DGKB: variants seen among roughly 807,000 people sequenced by gnomAD.
DGKB encodes the protein 90 kDa diacylglycerol kinase.
A neutral mutation model predicts 114.3 loss-of-function variants in DGKB; 67 were observed. That is an observed-to-expected ratio of 0.59 (90% CI 0.48 to 0.72). The LOEUF (loss-of-function observed/expected upper bound fraction) is 0.72. Among genes scored for constraint, DGKB ranks in the 30% least tolerant of loss-of-function variants. The pLI is 0.00. For missense variants in DGKB, 907 were observed against 975.2 expected (o/e 0.93, Z 0.93); for synonymous variants, 398 against 323.1 (o/e 1.23, Z -2.49).
At chr7:14,408,165 TG>T (rs1404610010) in intron 21 of DGKB, among the ~76,000 whole-genome samples, 12 of 152,150 alleles carry the variant, frequency 7.9e-5, no homozygotes, top group African/African-American at 2.2e-4. Context: ...CACGGTTTAA[TG>T]ATCAATTACT....
chr7:14,768,856 T>A (rs1318934692), intron 2 of DGKB, among the ~76,000 whole-genome samples: 1 of 151,996 alleles, frequency 6.6e-6, no homozygotes, highest in Non-Finnish European at 1.5e-5. Context: ...TTGTACAAAA[T>A]GGCACCTTTC....
chr7:14,729,091 C>A (rs186566781), intron 5 of DGKB, among the ~76,000 whole-genome samples: 47 of 150,698 alleles, frequency 3.1e-4, no homozygotes, highest in African/African-American at 1.0e-3. Flanking sequence ...CTGCCTCTCC[C>A]CACTAGAATG....
At chr7:14,740,600 CAGA>C (rs1832439941) in intron 4 of DGKB, among the ~76,000 whole-genome samples, 1 of 152,112 alleles carries the variant, frequency 6.6e-6, no homozygotes, top group Non-Finnish European at 1.5e-5. Context: ...GATCCAGAGG[CAGA>C]CAACAATGGA....
chr7:14,192,499 A>T (rs959421129), intron 23 of DGKB, among the ~76,000 whole-genome samples: 2 of 152,172 alleles, frequency 1.3e-5, no homozygotes, highest in Non-Finnish European at 2.9e-5. Context: ...ATATTCATGA[A>T]TTGGAAGAAT....
At chr7:14,750,929 A>C (rs1002431929) in intron 4 of DGKB, among the ~76,000 whole-genome samples, 4 of 147,712 alleles carry the variant, frequency 2.7e-5, no homozygotes, top group African/African-American at 5.1e-5. Context: ...TCAGCCTCCC[A>C]AGTATCTGAG....
intron 21 of DGKB, among the ~76,000 whole-genome samples, chr7:14,348,032 A>G (rs1812770362): frequency 6.6e-6 from 1 of 151,980 alleles, no homozygotes; most frequent in Non-Finnish European, 1.5e-5. Context: ...CCCCAATGAA[A>G]ATATCTTGCA....
chr7:14,268,776 A>G (rs188874361), intron 23 of DGKB: 12 of 152,342 alleles, frequency 7.9e-5, no homozygotes, highest in Admixed American at 6.5e-4. Context: ...CATTTTATGT[A>G]TCACTTCTGA....
chr7:14,160,444 A>T (rs1289303935), intron 25 of DGKB, among the ~76,000 whole-genome samples: 3 of 152,226 alleles, frequency 2.0e-5, no homozygotes, highest in African/African-American at 7.2e-5. Flanking sequence ...ATACAAAATC[A>T]ATGTGCAAGA....
chr7:14,710,949 T>C (rs1827259359), intron 6 of DGKB, among the ~76,000 whole-genome samples: 1 of 151,992 alleles, frequency 6.6e-6, no homozygotes, highest in African/African-American at 2.4e-5. Flanking sequence ...GAAAAATATA[T>C]GAATGGCTTG....
intron 21 of DGKB, among the ~76,000 whole-genome samples, chr7:14,398,178 G>A (rs1822536485): frequency 6.6e-6 from 1 of 152,024 alleles, no homozygotes; most frequent in Admixed American, 6.6e-5. Flanking sequence ...GGTAATGACT[G>A]GGTGAAGAGA....
intron 12 of DGKB, among the ~76,000 whole-genome samples, chr7:14,680,911 C>T (rs1266723104): frequency 6.6e-6 from 1 of 151,496 alleles, no homozygotes; most frequent in Admixed American, 6.6e-5. Context: ...AATAATAAAC[C>T]TAAGACAATA....
chr7:14,191,721 A>C (rs1031373860), intron 23 of DGKB: 1 of 342,612 alleles, frequency 2.9e-6, no homozygotes, highest in African/African-American at 2.2e-5. Flanking sequence ...CACGTCAAAG[A>C]TGTTCACTGT....
chr7:14,351,727 T>C (rs1402442642), intron 21 of DGKB, among the ~76,000 whole-genome samples: 1 of 152,214 alleles, frequency 6.6e-6, no homozygotes, highest in Non-Finnish European at 1.5e-5. Context: ...TTTAAGTGTA[T>C]AAAAAGTTAG....
At chr7:14,417,964 T>G (rs1324026629) in intron 21 of DGKB, among the ~76,000 whole-genome samples, 1 of 151,182 alleles carries the variant, frequency 6.6e-6, no homozygotes, top group Admixed American at 6.6e-5. Flanking sequence ...AATGTCAGAG[T>G]TATAAACATA....
intron 1 of DGKB, among the ~76,000 whole-genome samples, chr7:14,963,633 A>G (rs59827390): frequency 0.015 from 2,295 of 152,278 alleles, 48 homozygotes; most frequent in African/African-American, 0.046. Flanking sequence ...TTCACTTACT[A>G]AAATTCAGAG....
intron 4 of DGKB, chr7:14,750,298 C>T (rs564008194): frequency 4.6e-6 from 2 of 433,992 alleles, no homozygotes; most frequent in Admixed American, 2.6e-5. Flanking sequence ...GATGCATTTG[C>T]TGCTGTGTCA....
At chr7:14,641,932 G>A (rs1011287832) in intron 13 of DGKB, among the ~76,000 whole-genome samples, 5 of 152,038 alleles carry the variant, frequency 3.3e-5, no homozygotes, top group African/African-American at 1.2e-4. Flanking sequence ...AATTTGAAGT[G>A]ACGTAGGTTC....
intron 9 of DGKB, 29 bp from the exon 10 acceptor site, chr7:14,685,391 C>A: frequency 6.6e-7 from 1 of 1,504,240 alleles, no homozygotes; most frequent in Non-Finnish European, 9.2e-7. Context: ...AAACAGATTT[C>A]ACTTAATGAA....
At chr7:14,368,716 C>A (rs1233616651) in intron 21 of DGKB, among the ~76,000 whole-genome samples, 1 of 151,722 alleles carries the variant, frequency 6.6e-6, no homozygotes, top group East Asian at 1.9e-4. Context: ...AAGCTAAGTG[C>A]AAAGAATCAA....
Sources: gnomAD v4.1 joint callset for allele counts (sites outside exome capture counted in the v4.1 genomes callset) on GRCh38, gnomAD v4.1.1 for gene constraint, MANE v1.5 for transcripts, NCBI Gene and HGNC (gene_info 2026-07-23, HGNC 2026-07-21) for gene names.